C8A: variants seen among roughly 807,000 people sequenced by gnomAD.
C8A encodes complement component C8 alpha chain.
C8A carries 67 observed loss-of-function variants against 65.3 expected under a neutral mutation model. That is an observed-to-expected ratio of 1.03 (90% CI 0.84 to 1.26). The LOEUF is 1.26. Among genes scored for constraint, C8A ranks in the 50% most tolerant of loss-of-function variants. The probability of loss-of-function intolerance (pLI) is 0.00; values close to 1 mark genes in which losing one functional copy is unlikely to be tolerated. For synonymous variants in C8A, 290 were observed against 259.4 expected (o/e 1.12, Z -1.13); for missense variants, 781 against 723.9 (o/e 1.08, Z -0.90).
At chr1:56,914,787 G>A (rs2284950) in intron 10 of C8A, among the ~76,000 whole-genome samples, 43,170 of 149,748 alleles carry the variant, frequency 0.29, 6,630 homozygotes, top group Middle Eastern at 0.39. Context: ...ACCTCAGCCC[G>A]CCCTGCCCCC....
At position 56,912,517 on chromosome 1, in the gene C8A, T is replaced by C. The variant is rs1332177228; in HGVS notation, c.1495T>C (p.Cys499Arg). 1.2e-6 allele frequency: 2 copies of C among 1,614,186 alleles called. No individual in the cohort carries two copies. Among genetic ancestry groups the C allele is most frequent in the Admixed American group, 3.3e-5 (2 of 60,026 alleles). ...QYLMEFNACR[C>R]GPCFNNGVPI... is the part of the protein sequence containing the mutation. ...TCTGATGGAATTCAATGCCTGCCGATGTGGGCCTTGCTTCAACAATGGGGT... is the reference window on the plus strand; with the variant it reads ...TCTGATGGAATTCAATGCCTGCCGACGTGGGCCTTGCTTCAACAATGGGGT... The change falls in exon 10 of 11, where the codon TGT (cysteine) becomes CGT (arginine). Residue 499 changes from cysteine to arginine, a missense_variant. Coordinates refer to ENST00000361249, the MANE Select transcript of C8A (RefSeq NM_000562.3).
intron 5 of C8A, among the ~76,000 whole-genome samples, chr1:56,883,223 C>CTGTGTGTG (rs3835681): frequency 1.6e-3 from 237 of 150,334 alleles, no homozygotes; most frequent in Non-Finnish European, 2.9e-3. Flanking sequence ...TCATCTGCAT[C>CTGTGTGTG]TGTGTGTGTG....
intron 10 of C8A, among the ~76,000 whole-genome samples, chr1:56,913,036 G>T (rs1005026901): frequency 2.0e-5 from 3 of 152,138 alleles, no homozygotes; most frequent in Non-Finnish European, 4.4e-5. Context: ...GGGAGTATGT[G>T]GTTCAAGTCC....
At chr1:56,914,597 T>C (rs970121612) in intron 10 of C8A, among the ~76,000 whole-genome samples, 3 of 152,186 alleles carry the variant, frequency 2.0e-5, no homozygotes, top group African/African-American at 2.4e-5. Context: ...TATTTCCTCA[T>C]TGGGAGAGTA....
chr1:56,906,258 A>G (rs1337693681), intron 7 of C8A, among the ~76,000 whole-genome samples: 1 of 152,156 alleles, frequency 6.6e-6, no homozygotes, highest in Non-Finnish European at 1.5e-5. Context: ...TGGAAAGATG[A>G]TGGAAAGGGA....
At chr1:56,885,291 T>TATATATTTATATATATTTACATAA (rs1188778913) in intron 6 of C8A, among the ~76,000 whole-genome samples, 4 of 133,876 alleles carry the variant, frequency 3.0e-5, no homozygotes, top group Non-Finnish European at 6.1e-5. Context: ...TTTACATAAA[T>TATATATTTATATATATTTACATAA]ATATATTTAT....
chr1:56,891,544 G>A (rs1342628148), intron 7 of C8A, among the ~76,000 whole-genome samples: 2 of 152,058 alleles, frequency 1.3e-5, no homozygotes, highest in African/African-American at 4.8e-5. Flanking sequence ...GAACAATTAG[G>A]GGCATTGCTG....
intron 2 of C8A, among the ~76,000 whole-genome samples, chr1:56,872,655 A>G (rs1458915800): frequency 6.6e-6 from 1 of 152,178 alleles, no homozygotes; most frequent in Non-Finnish European, 1.5e-5. Flanking sequence ...AGTCATTCTA[A>G]GAAGAAAAAC....
chr1:56,855,620 C>T (rs538322514), intron 1 of C8A, among the ~76,000 whole-genome samples: 14 of 133,060 alleles, frequency 1.1e-4, no homozygotes, highest in Non-Finnish European at 1.4e-4. Context: ...TTGAGATTTC[C>T]AAGCTTGCTT....
chr1:56,879,877 G>T (rs569728180), intron 4 of C8A, among the ~76,000 whole-genome samples: 1 of 152,066 alleles, frequency 6.6e-6, no homozygotes, highest in Non-Finnish European at 1.5e-5. Flanking sequence ...GGTTTTATTC[G>T]CAGTTTATCC....
At chr1:56,881,794 C>G (rs970205561) in intron 5 of C8A, among the ~76,000 whole-genome samples, 160 bp downstream of exon 5, 2 of 152,132 alleles carry the variant, frequency 1.3e-5, no homozygotes. Flanking sequence ...TGCTTAGTGT[C>G]GAAGGGTGCT....
chr1:56,887,779 T>C (rs1644312493), intron 7 of C8A, among the ~76,000 whole-genome samples: 1 of 152,122 alleles, frequency 6.6e-6, no homozygotes, highest in Non-Finnish European at 1.5e-5. Flanking sequence ...GTGGCACATA[T>C]ACACCACGGA....
At chr1:56,897,714 T>A (rs992167895) in intron 7 of C8A, among the ~76,000 whole-genome samples, 1 of 152,202 alleles carries the variant, frequency 6.6e-6, no homozygotes, top group Non-Finnish European at 1.5e-5. Context: ...TCAGGAAGAT[T>A]CTGAGTAGAG....
chr1:56,879,588 A>T (rs1368204221), intron 4 of C8A, among the ~76,000 whole-genome samples: 1 of 152,202 alleles, frequency 6.6e-6, no homozygotes, highest in Non-Finnish European at 1.5e-5. Context: ...AGGAACCCAG[A>T]TTTTACTATC....
At chr1:56,914,360 G>A (rs988916383) in intron 10 of C8A, among the ~76,000 whole-genome samples, 48 of 152,082 alleles carry the variant, frequency 3.2e-4, no homozygotes, top group African/African-American at 9.4e-4. Flanking sequence ...AGGGATGGTC[G>A]GGCAAGACAG....
intron 6 of C8A, among the ~76,000 whole-genome samples, chr1:56,885,010 A>G (rs527320154): frequency 6.6e-6 from 1 of 152,164 alleles, no homozygotes; most frequent in South Asian, 2.1e-4. Flanking sequence ...AGGTTTCACA[A>G]TGCAGTGCTT....
At chr1:56,882,450 C>T (rs1312886321) in intron 5 of C8A, among the ~76,000 whole-genome samples, 2 of 152,158 alleles carry the variant, frequency 1.3e-5, no homozygotes, top group African/African-American at 4.8e-5. Flanking sequence ...CAGGATCAAA[C>T]TCTACTGCAG....
intron 7 of C8A, among the ~76,000 whole-genome samples, chr1:56,903,909 A>C (rs1482011422): frequency 6.6e-6 from 1 of 152,148 alleles, no homozygotes; most frequent in Non-Finnish European, 1.5e-5. Context: ...GGATTGATCA[A>C]CTCCAGAGCT....
At position 56,911,849 on chromosome 1, in the gene C8A, C is replaced by T. The variant is rs530400942; in HGVS notation, c.1381-554C>T. On this transcript the variant is annotated intron_variant, in intron 9 of 10. Coordinates refer to ENST00000361249, the MANE Select transcript of C8A (RefSeq NM_000562.3). ...CTGTCAAGGATTTTATTAATTCCTG[C>T]ATTGAAGGCTGACATTTAAAACACA... Among the ~76,000 whole-genome samples the T allele has an allele frequency of 5.3e-5, 8 of 152,330 alleles. No homozygotes were observed. The South Asian group carries it at 1.7e-3, about 32-fold the overall frequency.
Sources: gnomAD v4.1 joint callset for allele counts (sites outside exome capture counted in the v4.1 genomes callset) on GRCh38, gnomAD v4.1.1 for gene constraint, MANE v1.5 for transcripts, NCBI Gene and HGNC (gene_info 2026-07-23, HGNC 2026-07-21) for gene names.